NELL1: variants seen among roughly 807,000 people sequenced by gnomAD.
NELL1 encodes the protein protein kinase C-binding protein NELL1.
A neutral mutation model predicts 107.4 loss-of-function variants in NELL1; 76 were observed. The observed-to-expected ratio is 0.71, with a 90% CI of 0.59 to 0.86. The LOEUF is 0.86. NELL1 is among the 40% of genes least tolerant of loss of function. The probability of loss-of-function intolerance (pLI) is 0.00; values close to 1 mark genes in which losing one functional copy is unlikely to be tolerated. For missense variants in NELL1, 1,024 were observed against 1,005.5 expected (o/e 1.02, Z -0.25); for synonymous variants, 353 against 341.2 (o/e 1.03, Z -0.38).
At chr11:20,823,282 C>T (rs1914985) in intron 3 of NELL1, among the ~76,000 whole-genome samples, 13,659 of 151,102 alleles carry the variant, frequency 0.09, 1,174 homozygotes, top group African/African-American at 0.17. Flanking sequence ...CTGATAAAAC[C>T]ATCAGATCTC....
intron 2 of NELL1, among the ~76,000 whole-genome samples, chr11:20,689,602 A>C (rs866718935): frequency 6.7e-6 from 1 of 148,314 alleles, no homozygotes; most frequent in South Asian, 2.2e-4. Context: ...ATGTCCCCAC[A>C]AAGGACATGA....
At chr11:21,023,123 A>C (rs953116997) in intron 12 of NELL1, among the ~76,000 whole-genome samples, 17 of 152,086 alleles carry the variant, frequency 1.1e-4, no homozygotes, top group African/African-American at 3.9e-4. Context: ...GAAAAGCAAA[A>C]CACTATAAAG....
chr11:20,687,029 G>A (rs2133860785), intron 2 of NELL1, among the ~76,000 whole-genome samples: 1 of 140,676 alleles, frequency 7.1e-6, no homozygotes, highest in African/African-American at 2.8e-5. Context: ...GTCTGTTTTG[G>A]GATCTCTCTC....
intron 15 of NELL1, among the ~76,000 whole-genome samples, chr11:21,408,640 T>C (rs4403801): frequency 0.084 from 12,820 of 152,078 alleles, 690 homozygotes; most frequent in Non-Finnish European, 0.11. Context: ...TGATGGTAGT[T>C]TCTTTTGCTG....
At chr11:21,228,265 A>G (rs1345426227) in intron 13 of NELL1, among the ~76,000 whole-genome samples, 1 of 152,206 alleles carries the variant, frequency 6.6e-6, no homozygotes, top group Non-Finnish European at 1.5e-5. Context: ...ATAGTTATCT[A>G]TGAAACCTTA....
intron 2 of NELL1, among the ~76,000 whole-genome samples, chr11:20,722,467 A>G (rs11025708): frequency 0.11 from 16,235 of 152,212 alleles, 1,052 homozygotes; most frequent in Non-Finnish European, 0.15. Flanking sequence ...TGTCACATTG[A>G]GATAATACTA....
chr11:21,180,814 A>G (rs1323463566), intron 13 of NELL1, among the ~76,000 whole-genome samples: 3 of 151,632 alleles, frequency 2.0e-5, no homozygotes, highest in Non-Finnish European at 2.9e-5. Flanking sequence ...TTTTTGTCTG[A>G]ACATCCAACT....
At chr11:20,705,864 C>T (rs1230637899) in intron 2 of NELL1, among the ~76,000 whole-genome samples, 1 of 151,948 alleles carries the variant, frequency 6.6e-6, no homozygotes, top group Non-Finnish European at 1.5e-5. Context: ...AGTATATGAA[C>T]AGACACTTCT....
chr11:21,278,550 C>G (rs552174923), intron 14 of NELL1, among the ~76,000 whole-genome samples: 1 of 151,878 alleles, frequency 6.6e-6, no homozygotes, highest in South Asian at 2.1e-4. Flanking sequence ...ATTAGCAACC[C>G]CAAAATGATA....
intron 13 of NELL1, among the ~76,000 whole-genome samples, chr11:21,118,745 T>A (rs1855294806): frequency 6.6e-6 from 1 of 152,098 alleles, no homozygotes; most frequent in African/African-American, 2.4e-5. Context: ...CAGTACCTGC[T>A]GACGCTGTTC....
intron 11 of NELL1, among the ~76,000 whole-genome samples, chr11:20,948,631 C>T (rs184052362): frequency 6.6e-6 from 1 of 151,842 alleles, no homozygotes; most frequent in Admixed American, 6.6e-5. Flanking sequence ...CATATTCCCT[C>T]CCCCTTTCCC....
At chr11:20,813,551 A>C (rs1012431823) in intron 3 of NELL1, among the ~76,000 whole-genome samples, 2 of 152,220 alleles carry the variant, frequency 1.3e-5, no homozygotes, top group African/African-American at 4.8e-5. Flanking sequence ...CAGCTTTGGG[A>C]ATATGGAATA....
chr11:21,501,711 A>T (rs975001117), intron 15 of NELL1, among the ~76,000 whole-genome samples: 9 of 152,196 alleles, frequency 5.9e-5, no homozygotes, highest in African/African-American at 2.2e-4. Context: ...TGATAATGCA[A>T]TGGAGTAGGT....
At chr11:20,785,551 T>A (rs983708964) in intron 3 of NELL1, among the ~76,000 whole-genome samples, 3 of 152,208 alleles carry the variant, frequency 2.0e-5, no homozygotes, top group Non-Finnish European at 2.9e-5. Context: ...AGGAGGTAGA[T>A]CTTGAGATAC....
chr11:21,507,965 G>A (rs530576058), intron 15 of NELL1, among the ~76,000 whole-genome samples: 34 of 151,858 alleles, frequency 2.2e-4, no homozygotes, highest in Non-Finnish European at 4.6e-4. Context: ...ATCTTTAGTA[G>A]AGATGAGGGT....
At chr11:20,935,418 T>C (rs1264226101) in intron 9 of NELL1, among the ~76,000 whole-genome samples, 6 of 152,028 alleles carry the variant, frequency 3.9e-5, no homozygotes, top group African/African-American at 1.5e-4. Context: ...GAACGGTATA[T>C]GTAAGGCCCG....
At chr11:21,209,359 ATTAC>A (rs889411969) in intron 13 of NELL1, among the ~76,000 whole-genome samples, 14 of 149,024 alleles carry the variant, frequency 9.4e-5, no homozygotes, top group African/African-American at 3.4e-4. Context: ...AAAATACATA[ATTAC>A]TTCTTACCCC....
rs538707763 is a variant in NELL1, at chr11:21,422,693, A to G, written c.1645+51745A>G. Among the ~76,000 whole-genome samples, 6 of 152,296 alleles carry G rather than the reference A, an allele frequency of 3.9e-5. No individual in the cohort carries two copies. In the South Asian group the frequency reaches 1.0e-3, roughly 26 times the overall value. On this transcript the variant is annotated intron_variant, in intron 15 of 19. Transcript: ENST00000357134. The stretch of plus-strand genomic sequence containing the variant: ...CAAAGTTGTTGTAGCATATACACAA[A>G]AAGAAATAAGAAGGGAATTAATACC...
At chr11:21,276,393 A>G (rs572261652) in intron 14 of NELL1, among the ~76,000 whole-genome samples, 34 of 152,326 alleles carry the variant, frequency 2.2e-4, no homozygotes, top group Non-Finnish European at 4.6e-4. Context: ...CAATGAAATA[A>G]AAGAGGATAC....
Sources: gnomAD v4.1 joint callset for allele counts (sites outside exome capture counted in the v4.1 genomes callset) on GRCh38, gnomAD v4.1.1 for gene constraint, MANE v1.5 for transcripts, NCBI Gene and HGNC (gene_info 2026-07-23, HGNC 2026-07-21) for gene names.